Variants in GFPT1 observed in about 807,000 individuals in gnomAD.
The protein encoded by GFPT1 is glutamine--fructose-6-phosphate aminotransferase [isomerizing] 1.
In GFPT1, 40 loss-of-function variants were observed where a neutral mutation model predicts 92.0. The ratio of observed to expected loss-of-function variants is 0.43; its 90% CI spans 0.34 to 0.57. GFPT1 has a LOEUF of 0.57. Ranked by LOEUF, GFPT1 falls within the 20% of genes least tolerant of loss-of-function variation. GFPT1 has a pLI of 0.02. For synonymous variants in GFPT1, 269 were observed against 280.6 expected (o/e 0.96, Z 0.41); for missense variants, 448 against 869.1 (o/e 0.52, Z 6.09).
intron 1 of GFPT1, among the ~76,000 whole-genome samples, chr2:69,386,735 C>T (rs1672137592): frequency 6.6e-6 from 1 of 152,354 alleles, no homozygotes; most frequent in African/African-American, 2.4e-5. Context: ...GCAACCCCCT[C>T]CACACCTCAA....
intron 13 of GFPT1, among the ~76,000 whole-genome samples, chr2:69,340,079 A>C (rs1005357026): frequency 1.3e-5 from 2 of 151,772 alleles, no homozygotes; most frequent in African/African-American, 4.8e-5. Context: ...AATAAACCCC[A>C]AAAAAGTAAT....
At chr2:69,352,190 G>A (rs564646343) in intron 9 of GFPT1, among the ~76,000 whole-genome samples, 1 of 152,174 alleles carries the variant, frequency 6.6e-6, no homozygotes, top group Non-Finnish European at 1.5e-5. Context: ...TTGAACCTGG[G>A]AGGTGGAGGT....
chr2:69,343,924 G>A (rs993474305), intron 12 of GFPT1, among the ~76,000 whole-genome samples: 3 of 151,800 alleles, frequency 2.0e-5, no homozygotes, highest in South Asian at 2.1e-4. Context: ...AATCAAATCC[G>A]AACTACTTAC....
At chr2:69,355,628 T>C (rs1671318243) in intron 7 of GFPT1, among the ~76,000 whole-genome samples, 1 of 152,190 alleles carries the variant, frequency 6.6e-6, no homozygotes, top group Non-Finnish European at 1.5e-5. Flanking sequence ...TATTTTAATT[T>C]TTTTCCTTTG....
At chr2:69,336,395 C>G (rs1670799958) in intron 15 of GFPT1, among the ~76,000 whole-genome samples, 1 of 147,034 alleles carries the variant, frequency 6.8e-6, no homozygotes, top group African/African-American at 2.5e-5. Context: ...ATATAAGAAT[C>G]ACAAACTTTC....
Position 69,373,252 on chromosome 2 carries a change from C to T in GFPT1, c.115+754G>A, listed in dbSNP as rs116333348. On this transcript the variant is annotated intron_variant, in intron 2 of 19. Coordinates refer to ENST00000357308, the MANE Select transcript of GFPT1 (RefSeq NM_001244710.2). ...AATCTGAGGATGGTCTTAGGAACCT[C>T]TGACATAGTTGAGGGAAGGAGCTAG... Among the ~76,000 whole-genome samples, 917 of 152,258 alleles carry T rather than the reference C, an allele frequency of 6.0e-3. 10 individuals carry two copies. Among genetic ancestry groups the T allele is most frequent in the African/African-American group, 0.02 (819 of 41,538 alleles).
chr2:69,338,190 A>C (rs572383378), intron 14 of GFPT1, 135 bp from the exon 15 acceptor site: 16 of 874,140 alleles, frequency 1.8e-5, no homozygotes, highest in African/African-American at 1.7e-4. Flanking sequence ...CCACTTAATA[A>C]ATTTATAAAA....
chr2:69,345,937 T>C lies in GFPT1; in HGVS notation c.1072A>G (p.Met358Val), dbSNP rs768617938. Residue 358 changes from methionine to valine, a missense_variant, in exon 12 of 20, where the codon ATG becomes GTG. Physicochemically the swap from Met to Val is conservative, Grantham distance 21. Transcript: ENST00000357308. ...FEQPESVVNT[M>V]RGRVNFDDYT... ...TCATCAAAGTTGACTCTTCCTCTCA[T>C]TGTGTTCACGACAGACTCTGGCTGC... is the stretch of plus-strand genomic sequence containing the variant. 1.3e-6 allele frequency: 2 copies of C among 1,599,484 alleles called. No individual in the cohort carries two copies. The highest frequency in any genetic ancestry group is 1.1e-5 in the South Asian group (1 of 90,716).
At chr2:69,376,345 T>C (rs760250847) in intron 1 of GFPT1, among the ~76,000 whole-genome samples, 3 of 152,048 alleles carry the variant, frequency 2.0e-5, no homozygotes, top group Non-Finnish European at 2.9e-5. Flanking sequence ...CCATAGTTAC[T>C]ACTAAAAATA....
At chr2:69,365,831 C>T (rs1005397107) in intron 3 of GFPT1, among the ~76,000 whole-genome samples, 5 of 151,222 alleles carry the variant, frequency 3.3e-5, no homozygotes, top group African/African-American at 9.7e-5. Context: ...TTTTTTGAAA[C>T]GGAGTTTTGC....
In GFPT1 at chr2:69,363,577, T is replaced by C. The variant is rs1671532844; in HGVS notation, c.317A>G (p.Asn106Ser). 1 of 1,613,948 alleles carries C rather than the reference T, an allele frequency of 6.2e-7. No homozygotes were observed. Among genetic ancestry groups the C allele is most frequent in the Non-Finnish European group, 8.5e-7 (1 of 1,179,896 alleles). ...WATHGEPSPV[N>S]SHPQRSDKNN... ...TTTATCAGAGCGCTGGGGGTGGCTA[T>C]TGACAGGACTGGGTTCTCCATGTGT... Residue 106 changes from asparagine to serine, a missense_variant, in exon 4 of 20, where the codon AAT (asparagine) becomes AGT (serine). Physicochemically the swap from Asn to Ser is conservative, Grantham distance 46. Transcript: ENST00000357308.
chr2:69,344,649 C>CT (rs1432366362), intron 12 of GFPT1, among the ~76,000 whole-genome samples: 4 of 149,032 alleles, frequency 2.7e-5, no homozygotes, highest in Non-Finnish European at 6.0e-5. Flanking sequence ...TATAAGTACT[C>CT]TTTTTTATTT....
chr2:69,350,765 T>C (rs956737772), intron 9 of GFPT1, among the ~76,000 whole-genome samples: 3 of 151,776 alleles, frequency 2.0e-5, no homozygotes, highest in Non-Finnish European at 4.4e-5. Context: ...TGGCCAGACG[T>C]GGTGGCAGAC....
At chr2:69,349,322 G>T (rs546557417) in intron 10 of GFPT1, among the ~76,000 whole-genome samples, 55 of 152,270 alleles carry the variant, frequency 3.6e-4, no homozygotes, top group African/African-American at 1.3e-3. Flanking sequence ...TGTAATTCCA[G>T]TGTATTTAAG....
intron 1 of GFPT1, among the ~76,000 whole-genome samples, chr2:69,381,934 G>A (rs1047120837): frequency 6.6e-6 from 1 of 150,938 alleles, no homozygotes; most frequent in Non-Finnish European, 1.5e-5. Context: ...CGTGTTCTCA[G>A]CTCACTGCAA....
At position 69,363,663 on chromosome 2, in the gene GFPT1, T is replaced by C; in HGVS notation, c.231A>G (p.Gln77=). The C allele has an allele frequency of 6.2e-7, 1 of 1,604,646 alleles. No homozygotes were observed. Among genetic ancestry groups the C allele is most frequent in the East Asian group, 2.2e-5 (1 of 44,854 alleles). Reference sequence around the variant, plus strand: ...CAAATTCTATATCCAAATCCATATCTTGTTGCTCTGAAGAATATGAAAAGA... The same window carrying C: ...CAAATTCTATATCCAAATCCATATCCTGTTGCTCTGAAGAATATGAAAAGA... ...KALDEEVHKQ[Q]DMDLDIEFDV... Residue 77 remains glutamine, a synonymous_variant, in exon 4 of 20, where the codon CAA becomes CAG. Coordinates refer to ENST00000357308, the MANE Select transcript of GFPT1 (RefSeq NM_001244710.2).
intron 15 of GFPT1, among the ~76,000 whole-genome samples, chr2:69,336,332 C>G (rs1387669454): frequency 5.0e-5 from 5 of 100,496 alleles, no homozygotes; most frequent in Non-Finnish European, 8.9e-5. Context: ...GAGTGAGAGT[C>G]TGTCTCCAAA....
At chr2:69,368,052 C>G (rs1479981300) in intron 3 of GFPT1, among the ~76,000 whole-genome samples, 1 of 152,124 alleles carries the variant, frequency 6.6e-6, no homozygotes, top group Non-Finnish European at 1.5e-5. Context: ...AGTTCAAGAC[C>G]AGCCTGGCCA....
chr2:69,348,257 G>T lies in GFPT1; in HGVS notation c.923C>A (p.Ser308Tyr). The change falls in exon 11 of 20, where the codon TCT (serine) becomes TAT (tyrosine). Residue 308 changes from serine to tyrosine, a missense_variant. Physicochemically the swap from Ser to Tyr is moderately radical, Grantham distance 144. This residue lies in a region of GFPT1 where 121 missense variants were observed against 304.3 expected (regional missense o/e 0.40). Transcript: ENST00000357308. Reference protein sequence around the residue: ...DVAAVVDGRLSIHRIKRTAGD... With the variant: ...DVAAVVDGRLYIHRIKRTAGD... ...TGCAGTTCGTTTAATTCGATGGATA[G>T]AAAGACGTCCATCCACTACTGCTGC... The T allele has an allele frequency of 1.2e-6, 2 of 1,612,050 alleles. No individual in the cohort carries two copies. Among genetic ancestry groups the T allele is most frequent in the Non-Finnish European group, 1.7e-6 (2 of 1,178,080 alleles).
Sources: allele counts gnomAD v4.1 joint callset (sites outside exome capture counted in the v4.1 genomes callset), GRCh38; gene constraint gnomAD v4.1.1; regional missense constraint gnomAD v4.1.1; transcripts MANE v1.5; gene names NCBI Gene and HGNC (gene_info 2026-07-23, HGNC 2026-07-21).